Variants in SGMS2 observed in about 807,000 individuals in gnomAD.
SGMS2 encodes sphingomyelin synthase 2, also known as phosphatidylcholine:ceramide cholinephosphotransferase 2.
SGMS2 carries 21 observed loss-of-function variants against 43.8 expected under a neutral mutation model. That is an observed-to-expected ratio of 0.48 (90% CI 0.34 to 0.69). The LOEUF (loss-of-function observed/expected upper bound fraction) is 0.69. Among genes scored for constraint, SGMS2 ranks in the 30% least tolerant of loss-of-function variants. The pLI is 0.01. For missense variants in SGMS2, 384 were observed against 443.2 expected (o/e 0.87, Z 1.20); for synonymous variants, 167 against 160.6 (o/e 1.04, Z -0.30).
At chr4:107,901,354 A>G (rs895253902) in intron 4 of SGMS2, among the ~76,000 whole-genome samples, 2 of 152,198 alleles carry the variant, frequency 1.3e-5, no homozygotes, top group African/African-American at 4.8e-5. Context: ...AATTTGGTTC[A>G]TCTGCTGGCT....
Position 107,910,578 on chromosome 4 carries a change from T to G in SGMS2, c.*25T>G. 2 of 1,606,758 alleles carry G rather than the reference T, an allele frequency of 1.2e-6. No homozygotes were observed. Among genetic ancestry groups the G allele is most frequent in the African/African-American group, 1.3e-5 (1 of 74,802 alleles). On this transcript the variant is annotated 3_prime_UTR_variant, in exon 7 of 7. Transcript: ENST00000690982. ...AGGAGCAAAACAAAGGCATCAGCTC[T>G]TACACCAAAAGAGTTAACGCTGTAA...
intron 1 of SGMS2, among the ~76,000 whole-genome samples, chr4:107,842,813 C>T (rs911859741): frequency 9.9e-5 from 15 of 152,016 alleles, no homozygotes; most frequent in Non-Finnish European, 1.6e-4. Context: ...GTGGTGTAAT[C>T]GGAGCTGATT....
intron 5 of SGMS2, among the ~76,000 whole-genome samples, chr4:107,906,940 G>C (rs1274980223): frequency 6.6e-6 from 1 of 152,128 alleles, no homozygotes; most frequent in Non-Finnish European, 1.5e-5. Context: ...AGAGACCTTG[G>C]GGGTGGGAGG....
At chr4:107,868,272 C>T (rs954254747) in intron 2 of SGMS2, among the ~76,000 whole-genome samples, 1 of 152,154 alleles carries the variant, frequency 6.6e-6, no homozygotes, top group Non-Finnish European at 1.5e-5. Flanking sequence ...AGTGGTCAAC[C>T]AACATTTCCC....
intron 2 of SGMS2, among the ~76,000 whole-genome samples, chr4:107,859,549 G>A (rs1349231975): frequency 6.6e-6 from 1 of 152,110 alleles, no homozygotes. Context: ...CCTTTGTCTG[G>A]TGGTGTCTGT....
chr4:107,905,779 T>C (rs1412504804), intron 5 of SGMS2, among the ~76,000 whole-genome samples: 1 of 152,244 alleles, frequency 6.6e-6, no homozygotes, highest in African/African-American at 2.4e-5. Context: ...GCAGGGACAT[T>C]GCTCATTATT....
At chr4:107,847,278 A>G (rs1241779019) in intron 1 of SGMS2, among the ~76,000 whole-genome samples, 2 of 152,154 alleles carry the variant, frequency 1.3e-5, no homozygotes, top group African/African-American at 4.8e-5. Flanking sequence ...TCCATCTCGA[A>G]TTGATTTTTG....
chr4:107,888,046 C>T (rs932954900), intron 2 of SGMS2, among the ~76,000 whole-genome samples: 1 of 152,138 alleles, frequency 6.6e-6, no homozygotes, highest in African/African-American at 2.4e-5. Context: ...CTGAACTTAT[C>T]TCTCAAAATC....
chr4:107,868,373 G>A (rs1407147401), intron 2 of SGMS2, among the ~76,000 whole-genome samples: 3 of 152,202 alleles, frequency 2.0e-5, no homozygotes, highest in Non-Finnish European at 4.4e-5. Context: ...TATTTAGGCT[G>A]TTATCTGTTG....
intron 1 of SGMS2, among the ~76,000 whole-genome samples, chr4:107,847,065 C>G: frequency 6.6e-6 from 1 of 151,758 alleles, no homozygotes; most frequent in Non-Finnish European, 1.5e-5. Flanking sequence ...TTGTAGGTTG[C>G]CTGTTCACTC....
At chr4:107,842,635 A>G (rs1041541289) in intron 1 of SGMS2, among the ~76,000 whole-genome samples, 1 of 152,234 alleles carries the variant, frequency 6.6e-6, no homozygotes, top group Non-Finnish European at 1.5e-5. Context: ...AGTAAGGTGT[A>G]CACGACTTAA....
At chr4:107,842,741 A>G (rs1436729815) in intron 1 of SGMS2, among the ~76,000 whole-genome samples, 1 of 152,112 alleles carries the variant, frequency 6.6e-6, no homozygotes, top group African/African-American at 2.4e-5. Context: ...ACATCCTTTT[A>G]TTGTTTCATC....
chr4:107,891,892 C>G (rs1730249641), intron 2 of SGMS2, among the ~76,000 whole-genome samples: 1 of 152,052 alleles, frequency 6.6e-6, no homozygotes, highest in South Asian at 2.1e-4. Flanking sequence ...ACATACCTGG[C>G]CCCCAGGTAG....
chr4:107,886,349 C>A (rs1041078291), intron 2 of SGMS2, among the ~76,000 whole-genome samples: 2 of 148,602 alleles, frequency 1.3e-5, no homozygotes, highest in East Asian at 4.0e-4. Flanking sequence ...ACAGGTGCAC[C>A]ACCACACCCA....
rs1401153088 is a variant in SGMS2, at chr4:107,913,845, T to C, written c.*3292T>C. 6.6e-6 allele frequency: 1 copy of C among 152,142 alleles called. No individual in the cohort carries two copies. Among genetic ancestry groups the C allele is most frequent in the Non-Finnish European group, 1.5e-5 (1 of 68,000 alleles). 9.4% of individuals were successfully genotyped at this position (152,142 alleles called of 1,614,324 possible). ...TACATGACAGAACTCATGCAGTTTCTTTTTTAGTTGAAAGTTCACATCTTG... is the reference window on the plus strand; with the variant it reads ...TACATGACAGAACTCATGCAGTTTCCTTTTTAGTTGAAAGTTCACATCTTG... On this transcript the variant is annotated 3_prime_UTR_variant, in exon 7 of 7. Coordinates refer to ENST00000690982, the MANE Select transcript of SGMS2 (RefSeq NM_001375905.1).
At chr4:107,858,188 G>A (rs1463511969) in intron 1 of SGMS2, among the ~76,000 whole-genome samples, 5 of 152,204 alleles carry the variant, frequency 3.3e-5, no homozygotes, top group Admixed American at 6.5e-5. Flanking sequence ...GCGAACATCA[G>A]GAGGCAAGGG....
At chr4:107,855,045 A>C (rs1432122119) in intron 1 of SGMS2, among the ~76,000 whole-genome samples, 2 of 152,142 alleles carry the variant, frequency 1.3e-5, no homozygotes, top group Admixed American at 6.6e-5. Context: ...AGGAGTTGAG[A>C]GCCAAATATG....
chr4:107,901,354 A>T (rs895253902), intron 4 of SGMS2, among the ~76,000 whole-genome samples: 6 of 152,198 alleles, frequency 3.9e-5, no homozygotes, highest in African/African-American at 1.2e-4. Flanking sequence ...AATTTGGTTC[A>T]TCTGCTGGCT....
At position 107,903,221 on chromosome 4, in the gene SGMS2, T is replaced by G. The variant is rs1481283998; in HGVS notation, c.574-12T>G. 1 of 1,613,596 alleles carries G rather than the reference T, an allele frequency of 6.2e-7. No homozygotes were observed. The highest frequency in any genetic ancestry group is 8.5e-7 in the Non-Finnish European group (1 of 1,179,554). On this transcript the variant is annotated splice_polypyrimidine_tract_variant and intron_variant, in intron 4 of 6. Transcript: ENST00000690982. ...TTGTAAATTCCCTTCTTAATCTTCTTGTGTCATTCAGCTCAATGGAGACTC... is the reference window on the plus strand; with the variant it reads ...TTGTAAATTCCCTTCTTAATCTTCTGGTGTCATTCAGCTCAATGGAGACTC...
Sources: gnomAD v4.1 joint callset for allele counts (sites outside exome capture counted in the v4.1 genomes callset) on GRCh38, gnomAD v4.1.1 for gene constraint, MANE v1.5 for transcripts, NCBI Gene and HGNC (gene_info 2026-07-23, HGNC 2026-07-21) for gene names.